Variants in KAT6A observed in about 807,000 individuals in gnomAD.
The protein encoded by KAT6A is histone acetyltransferase KAT6A.
Under a neutral mutation model 198.4 loss-of-function variants are expected in KAT6A, and 9 were observed. That is an observed-to-expected ratio of 0.05 (90% CI 0.03 to 0.08). The LOEUF (loss-of-function observed/expected upper bound fraction) is 0.08. KAT6A is among the 10% of genes least tolerant of loss of function. The pLI is 1.00. For synonymous variants in KAT6A, 890 were observed against 883.0 expected (o/e 1.01, Z -0.14); for missense variants, 2,077 against 2,509.9 (o/e 0.83, Z 3.69).
chr8:42,007,790 G>A (rs773603260), intron 2 of KAT6A, among the ~76,000 whole-genome samples: 6 of 151,820 alleles, frequency 4.0e-5, no homozygotes, highest in East Asian at 3.9e-4. Context: ...GTGAAACCCC[G>A]TCTCTACTAA....
intron 2 of KAT6A, among the ~76,000 whole-genome samples, chr8:41,991,006 A>G (rs1445816546): frequency 1.3e-5 from 2 of 151,772 alleles, no homozygotes; most frequent in African/African-American, 4.8e-5. Context: ...AAAAAAAAAA[A>G]AAAAAAAAAA....
Position 42,006,888 on chromosome 8 carries a change from T to C in KAT6A, c.601-19325A>G, listed in dbSNP as rs144417897. 1.1e-4 allele frequency among the ~76,000 whole-genome samples: 17 copies of C among 149,062 alleles called. No individual in the cohort carries two copies. In the East Asian group the frequency reaches 3.2e-3, roughly 28 times the overall value. ...ATGCACACCTGTAATCCCAGCTACTTGGGAGGCTGAGGCACAAGAATCACT... is the reference window on the plus strand; with the variant it reads ...ATGCACACCTGTAATCCCAGCTACTCGGGAGGCTGAGGCACAAGAATCACT... On this transcript the variant is annotated intron_variant, in intron 2 of 16. Transcript: ENST00000265713.
chr8:42,025,966 T>C (rs1826795007), intron 2 of KAT6A, among the ~76,000 whole-genome samples: 1 of 152,188 alleles, frequency 6.6e-6, no homozygotes, highest in Non-Finnish European at 1.5e-5. Context: ...AAGTGAGAAA[T>C]AGGGGTCTAG....
intron 2 of KAT6A, among the ~76,000 whole-genome samples, chr8:42,008,801 T>C (rs932306721): frequency 6.6e-6 from 1 of 152,184 alleles, no homozygotes; most frequent in African/African-American, 2.4e-5. Context: ...TGGTTATCAT[T>C]ACTTTAACTT....
At chr8:41,950,048 A>T (rs1356026688) in intron 9 of KAT6A, among the ~76,000 whole-genome samples, 1 of 152,212 alleles carries the variant, frequency 6.6e-6, no homozygotes, top group African/African-American at 2.4e-5. Flanking sequence ...TAGCCACACC[A>T]ATACAACTTG....
intron 2 of KAT6A, among the ~76,000 whole-genome samples, chr8:42,033,659 T>C (rs2150923354): frequency 6.6e-6 from 1 of 152,298 alleles, no homozygotes; most frequent in East Asian, 1.9e-4. Flanking sequence ...CCCCCTCCTC[T>C]GTGTTTCCAC....
intron 5 of KAT6A, 101 bp from the exon 6 acceptor site, chr8:41,978,878 G>T: frequency 9.2e-7 from 1 of 1,085,192 alleles, no homozygotes; most frequent in South Asian, 1.5e-5. Context: ...TCAGGTAAAA[G>T]ACTGTCATTA....
intron 3 of KAT6A, among the ~76,000 whole-genome samples, chr8:41,985,372 A>G (rs555435394): frequency 6.6e-6 from 1 of 152,338 alleles, no homozygotes; most frequent in South Asian, 2.1e-4. Flanking sequence ...CTGAAAAGCT[A>G]AAAAATCATA....
chr8:42,051,595 G>T (rs1264174093), intron 1 of KAT6A, among the ~76,000 whole-genome samples: 1 of 145,404 alleles, frequency 6.9e-6, no homozygotes, highest in Non-Finnish European at 1.5e-5. Context: ...CCCAGGGCGG[G>T]CCCGGCCGGC....
At chr8:41,984,442 C>A (rs1006155962) in intron 3 of KAT6A, among the ~76,000 whole-genome samples, 3 of 152,112 alleles carry the variant, frequency 2.0e-5, no homozygotes, top group Non-Finnish European at 4.4e-5. Flanking sequence ...AACTTGCCAG[C>A]CAGGTAAATG....
intron 2 of KAT6A, among the ~76,000 whole-genome samples, chr8:41,991,331 C>G (rs1199699741): frequency 6.6e-6 from 1 of 151,904 alleles, no homozygotes; most frequent in Non-Finnish European, 1.5e-5. Flanking sequence ...CAAATGCTGC[C>G]AACAACATGG....
At chr8:41,967,274 A>AATTT (rs10661891) in intron 8 of KAT6A, among the ~76,000 whole-genome samples, 17,593 of 142,760 alleles carry the variant, frequency 0.12, 1,326 homozygotes, top group East Asian at 0.24. Context: ...TAAAAAAAAA[A>AATTT]ATTTATTTAT....
intron 2 of KAT6A, among the ~76,000 whole-genome samples, chr8:42,044,882 A>G (rs1001542642): frequency 1.3e-5 from 2 of 152,238 alleles, no homozygotes; most frequent in African/African-American, 4.8e-5. Flanking sequence ...AACTCTGGAT[A>G]ATTCTTTTCT....
intron 2 of KAT6A, among the ~76,000 whole-genome samples, chr8:42,029,441 T>C (rs1030780259): frequency 8.5e-5 from 13 of 152,130 alleles, no homozygotes; most frequent in African/African-American, 2.9e-4. Context: ...CCCTCCCATA[T>C]GTCACATATG....
At chr8:41,989,831 T>C (rs984849683) in intron 2 of KAT6A, among the ~76,000 whole-genome samples, 2 of 152,202 alleles carry the variant, frequency 1.3e-5, no homozygotes, top group African/African-American at 4.8e-5. Context: ...AGCAAACAGA[T>C]TAATGAGAGA....
Position 41,937,358 on chromosome 8 carries a change from A to G in KAT6A, c.3250T>C (p.Tyr1084His), listed in dbSNP as rs759732697. The G allele has an allele frequency of 5.0e-6, 8 of 1,613,942 alleles. No individual in the cohort carries two copies. Among genetic ancestry groups the G allele is most frequent in the Middle Eastern group, 3.3e-4 (2 of 6,082 alleles). ...EDENELFPREYFRRLSSQDVL... is the reference protein window; with the variant it reads ...EDENELFPREHFRRLSSQDVL... ...TCCTGCGAAGACAAACGACGGAAGT[A>G]TTCTCTAGGGAAAAGTTCATTTTCA... Residue 1084 changes from tyrosine to histidine, a missense_variant, in exon 16 of 17, where the codon TAC becomes CAC. Around this residue, in one of 13 missense-constraint regions of KAT6A, gnomAD observed 375 missense variants for 383.0 expected, o/e 0.98. Coordinates refer to ENST00000265713, the MANE Select transcript of KAT6A (RefSeq NM_006766.5).
At chr8:41,941,591 T>C (rs1403358731) in intron 14 of KAT6A, 147 bp from the exon 15 acceptor site, 1 of 806,624 alleles carries the variant, frequency 1.2e-6, no homozygotes, top group Admixed American at 3.1e-5. Context: ...GGATATTTCC[T>C]GTTTCAGCAC....
In KAT6A at chr8:41,955,742, A is replaced by G. The variant is rs564522904; in HGVS notation, c.1483-331T>C. 4.1e-4 allele frequency among the ~76,000 whole-genome samples: 62 copies of G among 152,342 alleles called. 1 individual carries two copies. The South Asian group carries it at 0.013, about 32-fold the overall frequency. On this transcript the variant is annotated intron_variant, in intron 8 of 16. Coordinates refer to ENST00000265713, the MANE Select transcript of KAT6A (RefSeq NM_006766.5). ...AGAGAAACTGCTGATACTTGGTGAT[A>G]TAAGATAAAGAATAATTTACAAGTG...
At chr8:42,002,095 T>C (rs956861466) in intron 2 of KAT6A, among the ~76,000 whole-genome samples, 8 of 152,216 alleles carry the variant, frequency 5.3e-5, no homozygotes, top group African/African-American at 1.9e-4. Flanking sequence ...CACTGTTCTA[T>C]ATGCTCTACA....
Sources: gnomAD v4.1 joint callset for allele counts (sites outside exome capture counted in the v4.1 genomes callset) on GRCh38, gnomAD v4.1.1 for gene constraint, gnomAD v4.1.1 regional missense constraint, MANE v1.5 for transcripts, NCBI Gene and HGNC (gene_info 2026-07-23, HGNC 2026-07-21) for gene names.